Variants in MYOM1 observed in about 807,000 individuals in gnomAD.
The protein encoded by MYOM1 is myomesin-1.
Under a neutral mutation model 205.3 loss-of-function variants are expected in MYOM1, and 164 were observed. The observed-to-expected ratio is 0.80, with a 90% CI of 0.70 to 0.91. The LOEUF is 0.91. Ranked by LOEUF, MYOM1 falls within the 40% of genes least tolerant of loss-of-function variation. The pLI, the probability that MYOM1 is intolerant of heterozygous loss-of-function variation, is 0.00. For synonymous variants in MYOM1, 772 were observed against 789.4 expected (o/e 0.98, Z 0.37); for missense variants, 2,011 against 2,127.3 (o/e 0.95, Z 1.08).
At chr18:3,122,134 AAC>A (rs1450477490) in intron 19 of MYOM1, among the ~76,000 whole-genome samples, 1 of 152,094 alleles carries the variant, frequency 6.6e-6, no homozygotes, top group African/African-American at 2.4e-5. Context: ...AAGAGAAAGA[AAC>A]ACAGAACAGA....
Position 3,209,904 on chromosome 18 carries a change from C to G in MYOM1, c.290+5030G>C, listed in dbSNP as rs950362557. On this transcript the variant is annotated intron_variant, in intron 2 of 37. Coordinates refer to ENST00000356443, the MANE Select transcript of MYOM1 (RefSeq NM_003803.4). The surrounding 1 kb of genome is among the most constrained non-coding windows in gnomAD (Gnocchi z 4.0). The stretch of plus-strand genomic sequence containing the variant: ...TCTACTTAATATAATAGATTCAATA[C>G]AATGTGCTTGGTAATTTATCCCAAG... Among the ~76,000 whole-genome samples, 2 of 152,208 alleles carry G rather than the reference C, an allele frequency of 1.3e-5. No individual in the cohort carries two copies. Among genetic ancestry groups the G allele is most frequent in the Non-Finnish European group, 2.9e-5 (2 of 68,038 alleles).
At chr18:3,235,772 AC>A in the MYOM1 span, among the ~76,000 whole-genome samples, 2 of 152,214 alleles carry the variant, frequency 1.3e-5, no homozygotes, top group Non-Finnish European at 2.9e-5. Context: ...GAAAAAATAA[AC>A]CGAGAGAGGG....
intron 8 of MYOM1, among the ~76,000 whole-genome samples, chr18:3,171,615 G>T (rs1488118194): frequency 4.0e-5 from 6 of 151,856 alleles, no homozygotes; most frequent in Non-Finnish European, 7.4e-5. Flanking sequence ...TAGGGCAGGG[G>T]TTGGCAAGTC....
Position 3,142,003 on chromosome 18 carries a change from A to T in MYOM1, c.1961T>A (p.Val654Glu). The T allele has an allele frequency of 6.2e-7, 1 of 1,613,914 alleles. No individual in the cohort carries two copies. The highest frequency in any genetic ancestry group is 8.5e-7 in the Non-Finnish European group (1 of 1,179,856). ...GCCAGGGGGCTTCCAGCTGAGCACC[A>T]CATAGCTCCGGGTGGCCTCAGTGAC... is the stretch of plus-strand genomic sequence containing the variant. ...LSVTEATRSY[V>E]VLSWKPPGQR... The change falls in exon 14 of 38, where the codon GTG becomes GAG. Residue 654 changes from valine to glutamate, a missense_variant. Physicochemically the swap from Val to Glu is moderately radical, Grantham distance 121 (BLOSUM62 -2). Coordinates refer to ENST00000356443, the MANE Select transcript of MYOM1 (RefSeq NM_003803.4).
the MYOM1 span, among the ~76,000 whole-genome samples, chr18:3,226,587 G>C: frequency 6.6e-6 from 1 of 151,944 alleles, no homozygotes; most frequent in East Asian, 1.9e-4. This position sits in a 1 kb window ranked among gnomAD's most constrained non-coding sequence, Gnocchi z 4.6. Context: ...CCTTCACCCC[G>C]CTCCTTCAAC....
At position 3,104,999 on chromosome 18, in the gene MYOM1, T is replaced by A. The variant is rs189941554; in HGVS notation, c.3419-2369A>T. On this transcript the variant is annotated intron_variant, in intron 22 of 37. Transcript: ENST00000356443. ...CCTGAGCTCAAGTGATCCACCCGCC[T>A]TGGCCGCCCAAAGTGCTGGGATTAC... Among the ~76,000 whole-genome samples, 433 of 152,228 alleles carry A rather than the reference T, an allele frequency of 2.8e-3. 8 individuals are homozygous for A. Among genetic ancestry groups the A allele is most frequent in the Non-Finnish European group, 9.3e-4 (63 of 67,988 alleles).
At chr18:3,118,982 G>A (rs923234265) in intron 20 of MYOM1, among the ~76,000 whole-genome samples, 8 of 152,076 alleles carry the variant, frequency 5.3e-5, no homozygotes, top group African/African-American at 1.9e-4. Context: ...GAGGCACCAG[G>A]GACATAAAAT....
intron 12 of MYOM1, among the ~76,000 whole-genome samples, chr18:3,151,473 T>TAAAATAAATA (rs71366642): frequency 1.4e-5 from 2 of 143,988 alleles, no homozygotes; most frequent in South Asian, 4.3e-4. Flanking sequence ...TAAAATAAAA[T>TAAAATAAATA]AAATAAAATA....
At chr18:3,194,909 T>TAAAA (rs5822742) in intron 2 of MYOM1, among the ~76,000 whole-genome samples, 33 of 147,326 alleles carry the variant, frequency 2.2e-4, no homozygotes, top group Admixed American at 2.7e-4. Context: ...AAACTATTCT[T>TAAAA]AAAAAAAAAA....
At chr18:3,071,113 A>G (rs558135870) in intron 37 of MYOM1, among the ~76,000 whole-genome samples, 72 of 152,252 alleles carry the variant, frequency 4.7e-4, no homozygotes, top group South Asian at 1.7e-3. Context: ...GAAAAAAATT[A>G]TTAAAAAAAG....
intron 34 of MYOM1, among the ~76,000 whole-genome samples, chr18:3,078,557 G>T (rs1378916895): frequency 1.3e-5 from 2 of 152,060 alleles, no homozygotes; most frequent in Non-Finnish European, 2.9e-5. Context: ...AGCCTCCTGA[G>T]TAGTAGGGAT....
chr18:3,164,029 T>A (rs924220931), intron 10 of MYOM1, among the ~76,000 whole-genome samples: 7 of 31,758 alleles, frequency 2.2e-4, no homozygotes, highest in East Asian at 1.7e-3. Flanking sequence ...ATCAAAAAAA[T>A]TTTTTTTTGT....
At chr18:3,198,790 G>GA (rs796981410) in intron 2 of MYOM1, among the ~76,000 whole-genome samples, 1,714 of 95,538 alleles carry the variant, frequency 0.018, 10 homozygotes, top group Middle Eastern at 0.035. Flanking sequence ...CTCAAAAAAA[G>GA]AAAAAAAAAA....
intron 2 of MYOM1, among the ~76,000 whole-genome samples, chr18:3,207,779 C>T (rs2081142802): frequency 6.6e-6 from 1 of 152,150 alleles, no homozygotes; most frequent in African/African-American, 2.4e-5. Context: ...GCCCTTCCTC[C>T]GCCTCTGGCT....
intron 12 of MYOM1, 54 bp downstream of exon 12, chr18:3,151,640 T>C: frequency 2.0e-6 from 3 of 1,488,130 alleles, no homozygotes; most frequent in Non-Finnish European, 2.7e-6. Flanking sequence ...AGCTGATTCT[T>C]GCAGTCATTT....
At chr18:3,234,793 T>C in the MYOM1 span, among the ~76,000 whole-genome samples, 176 of 152,346 alleles carry the variant, frequency 1.2e-3, no homozygotes, top group African/African-American at 4.1e-3. Context: ...TGCAGCTTCA[T>C]TGTGATAGAA....
rs2080837635 is a variant in MYOM1, at chr18:3,187,636, A to C, written c.773T>G (p.Leu258Ter). 1 of 1,589,708 alleles carries C rather than the reference A, an allele frequency of 6.3e-7. No homozygotes were observed. Among genetic ancestry groups the C allele is most frequent in the South Asian group, 1.1e-5 (1 of 88,558 alleles). ...KAERLSLRKT[L>*]EETETYHAKL... ...GGCATGATATGTCTCGGTTTCTTCT[A>C]ACTGAAAAAACAAATATGCAAACAA... Residue 258 changes from leucine (L) to a stop codon, truncating the protein, a stop_gained and splice_region_variant, in exon 5 of 38, where the codon TTA becomes TGA. Transcript: ENST00000356443. LOFTEE classifies it high-confidence loss of function.
At chr18:3,170,960 C>T (rs35331620) in intron 8 of MYOM1, among the ~76,000 whole-genome samples, 9,422 of 152,234 alleles carry the variant, frequency 0.062, 327 homozygotes, top group South Asian at 0.083. Context: ...TGCAAGCTGA[C>T]ATTTATTGAG....
At chr18:3,127,836 T>C (rs546478546) in intron 18 of MYOM1, among the ~76,000 whole-genome samples, 2 of 152,244 alleles carry the variant, frequency 1.3e-5, no homozygotes, top group Non-Finnish European at 2.9e-5. Context: ...AATCTGATGT[T>C]GGAATATTTT....
Sources: allele counts gnomAD v4.1 joint callset (sites outside exome capture counted in the v4.1 genomes callset), GRCh38; gene constraint gnomAD v4.1.1; non-coding constraint Gnocchi (gnomAD v3.1); transcripts MANE v1.5; gene names NCBI Gene and HGNC (gene_info 2026-07-23, HGNC 2026-07-21).